The following IL16 variants were observed in gnomAD, a reference collection of about 807,000 sequenced individuals.
The protein encoded by IL16 is pro-interleukin-16.
Under a neutral mutation model 110.1 loss-of-function variants are expected in IL16, and 67 were observed. The observed-to-expected ratio is 0.61, with a 90% CI of 0.50 to 0.75. The LOEUF is 0.75. Ranked by LOEUF, IL16 falls within the 30% of genes least tolerant of loss-of-function variation. The pLI, the probability that IL16 is intolerant of heterozygous loss-of-function variation, is 0.00. For missense variants in IL16, 1,545 were observed against 1,655.0 expected, an observed-to-expected ratio of 0.93 and a Z score of 1.15; for synonymous variants, 689 against 662.9, an observed-to-expected ratio of 1.04 and a Z score of -0.61.
chr15:81,240,039 C>T (rs1461759880), intron 2 of IL16, among the ~76,000 whole-genome samples: 9 of 152,140 alleles, frequency 5.9e-5, no homozygotes, highest in Non-Finnish European at 8.8e-5. Context: ...ACCATCTTGT[C>T]CTGGAATTGG....
In IL16 at chr15:81,292,653, CAT is replaced by C; in HGVS notation, c.1519_1520del (p.Met507AspfsTer6). 6.2e-7 allele frequency: 1 copy of C among 1,614,052 alleles called. No homozygotes were observed. Among genetic ancestry groups the C allele is most frequent in the Non-Finnish European group, 8.5e-7 (1 of 1,179,934 alleles). ...CCCCGCATCGCAGGGCTCAGAAGGT[CAT>C]GATCCGCTCCAGCAGTGACAGCAGC... Reference protein sequence around the residue: ...APPHRRAQKVMIRSSSDSSYM... With the variant: ...APPHRRAQKVXIRSSSDSSYM... On this transcript the variant is annotated frameshift_variant, in exon 12 of 19. Coordinates refer to ENST00000683961, the MANE Select transcript of IL16 (RefSeq NM_172217.5). LOFTEE classifies it high-confidence loss of function.
At chr15:81,276,480 C>A (rs1217725331) in intron 6 of IL16, among the ~76,000 whole-genome samples, 3 of 152,172 alleles carry the variant, frequency 2.0e-5, no homozygotes, top group Non-Finnish European at 4.4e-5. Flanking sequence ...AGCCTTGGGT[C>A]CATGTGAGGC....
At chr15:81,258,730 G>GCGCTCTCTCT (rs1555418991) in intron 2 of IL16, among the ~76,000 whole-genome samples, 1 of 147,732 alleles carries the variant, frequency 6.8e-6, no homozygotes, top group Admixed American at 6.8e-5. Context: ...TCGCGCACGC[G>GCGCTCTCTCT]CTCTCTCTCT....
chr15:81,279,911 G>C, intron 8 of IL16, 137 bp downstream of exon 8: 2 of 705,130 alleles, frequency 2.8e-6, no homozygotes, highest in African/African-American at 1.8e-5. Flanking sequence ...ACTGCTTGGA[G>C]CCAGGTCGAG....
intron 2 of IL16, among the ~76,000 whole-genome samples, chr15:81,231,513 C>T (rs1425277421): frequency 2.0e-5 from 3 of 152,178 alleles, no homozygotes; most frequent in Non-Finnish European, 2.9e-5. Flanking sequence ...GTTGGGACTA[C>T]AGGCACATGC....
At position 81,285,662 on chromosome 15, in the gene IL16, T is replaced by C; in HGVS notation, c.1200-36T>C. ...GTGACTGTTCAAATGTCTCATTGAT[T>C]CACTTACTGATGGCTTCTTATTGAT... On this transcript the variant is annotated intron_variant, in intron 9 of 18. Transcript: ENST00000683961. 6 of 1,611,018 alleles carry C rather than the reference T, an allele frequency of 3.7e-6. No homozygotes were observed. The South Asian group carries it at 6.6e-5, about 18-fold the overall frequency.
intron 2 of IL16, among the ~76,000 whole-genome samples, chr15:81,252,772 A>G (rs1317949315): frequency 6.6e-6 from 1 of 152,202 alleles, no homozygotes; most frequent in Middle Eastern, 3.2e-3. Flanking sequence ...CGTTTCATTT[A>G]ATGTTTTCAA....
intron 2 of IL16, among the ~76,000 whole-genome samples, chr15:81,257,621 C>A (rs1897995338): frequency 6.6e-6 from 1 of 152,146 alleles, no homozygotes; most frequent in East Asian, 1.9e-4. Flanking sequence ...GTGGCAGGGG[C>A]TGGAGCTGAG....
chr15:81,195,085 C>G (rs1895562572), upstream of IL16, among the ~76,000 whole-genome samples: 1 of 152,142 alleles, frequency 6.6e-6, no homozygotes, highest in East Asian at 1.9e-4. Flanking sequence ...GCACAAACCA[C>G]CCCGTATTAG....
chr15:81,305,931 G>A lies in IL16; in HGVS notation c.3444G>A (p.Gly1148=), dbSNP rs551302549. Residue 1148 remains glycine, a synonymous_variant, in exon 17 of 19, where the codon GGG becomes GGA. Coordinates refer to ENST00000683961, the MANE Select transcript of IL16 (RefSeq NM_172217.5). ...AGGTTCACAGAGTGTTTCCAAATGG[G>A]CTGGCCTCCCAGGAAGGGACTATTC... ...VITVHRVFPN[G]LASQEGTIQK... 4.2e-4 allele frequency: 672 copies of A among 1,614,202 alleles called. 17 individuals carry two copies. In the South Asian group the frequency reaches 6.9e-3, roughly 17 times the overall value.
chr15:81,251,212 GC>G (rs1240358544), intron 2 of IL16, among the ~76,000 whole-genome samples: 1 of 152,094 alleles, frequency 6.6e-6, no homozygotes, highest in Non-Finnish European at 1.5e-5. Context: ...TGTTGACTGG[GC>G]TGGGATGCAG....
rs757588858 is a variant in IL16 at position 81,300,011 on chromosome 15, T to G, written c.2685T>G (p.Leu895=). 1 of 1,582,466 alleles carries G rather than the reference T, an allele frequency of 6.3e-7. No homozygotes were observed. Among genetic ancestry groups the G allele is most frequent in the Admixed American group, 1.8e-5 (1 of 56,372 alleles). ...TGGGGCGAGGGGCTGCACCCACTCT[T>G]GTGCCCCAGCAGCCTGAGCAAGTAC... The part of the protein sequence containing the change: ...GLLGRGAAPT[L]VPQQPEQVLS... Residue 895 remains leucine (L), a synonymous_variant, in exon 14 of 19, where the codon CTT becomes CTG. Transcript: ENST00000683961.
At chr15:81,199,028 AAAATATATATAT>A (rs1895708992) in intron 1 of IL16, among the ~76,000 whole-genome samples, 1 of 93,710 alleles carries the variant, frequency 1.1e-5, no homozygotes, top group African/African-American at 6.0e-5. Flanking sequence ...TCAAAAAAAA[AAAATATATATAT>A]ATATATATAT....
At position 81,259,871 on chromosome 15, in the gene IL16, A is replaced by G. The variant is rs758641003; in HGVS notation, c.412A>G (p.Asn138Asp). ...AGCCTGCCACCAAAGGGCACGCAGC[A>G]ACTCAACCAGTAAGTGTCTTCCCAA... The part of the protein sequence containing the change: ...PKACHQRARS[N>D]STSVNPYCTR... The change falls in exon 3 of 19, where the codon AAC (asparagine) becomes GAC (aspartate). Residue 138 changes from asparagine to aspartate, a missense_variant. Transcript: ENST00000683961. The G allele has an allele frequency of 1.9e-6, 3 of 1,602,164 alleles. No individual in the cohort carries two copies. The South Asian group carries it at 3.3e-5, about 18-fold the overall frequency.
In IL16 at chr15:81,267,782, C is replaced by T. The variant is rs540929804; in HGVS notation, c.565-1756C>T. 6.8e-4 allele frequency among the ~76,000 whole-genome samples: 103 copies of T among 152,304 alleles called. No individual in the cohort carries two copies. The Middle Eastern group carries it at 0.01, about 15-fold the overall frequency. The stretch of plus-strand genomic sequence containing the variant: ...GTCCTAGTTCAAAGGCAGTCACGCA[C>T]GAAGGATGCTTTCTAACTCAGGGGA... On this transcript the variant is annotated intron_variant, in intron 4 of 18. Transcript: ENST00000683961.
At chr15:81,196,191 A>G (rs990645813), upstream of IL16, among the ~76,000 whole-genome samples, 77 of 152,364 alleles carry the variant, frequency 5.1e-4, no homozygotes, top group African/African-American at 1.9e-3. Context: ...AGGGTGGCAC[A>G]GACAAGAAAT....
intron 1 of IL16, among the ~76,000 whole-genome samples, chr15:81,223,064 A>G (rs975215693): frequency 6.6e-6 from 1 of 152,198 alleles, no homozygotes; most frequent in Non-Finnish European, 1.5e-5. Context: ...TCTTCTGCCA[A>G]TGGATCTGAG....
In IL16 at chr15:81,301,364, A is replaced by G; in HGVS notation, c.3170A>G (p.Tyr1057Cys). 1 of 1,611,718 alleles carries G rather than the reference A, an allele frequency of 6.2e-7. No individual in the cohort carries two copies. Among genetic ancestry groups the G allele is most frequent in the Non-Finnish European group, 8.5e-7 (1 of 1,179,378 alleles). Residue 1057 changes from tyrosine (Y) to cysteine (C), a missense_variant, in exon 15 of 19, where the codon TAT becomes TGT. Physicochemically the swap from Tyr to Cys is radical, Grantham distance 194 (BLOSUM62 -2). This residue lies in a region of IL16 where 356 missense variants were observed against 399.3 expected (regional missense o/e 0.89). Transcript: ENST00000683961. ...FSLNLSELRE[Y>C]TEGLTEAKED... ...GAAAGCCTTTCAGAGCTGAGAGAAT[A>G]TACAGAGGGTCTCACGGAAGCCAAG...
intron 13 of IL16, 39 bp downstream of exon 13, chr15:81,297,117 T>C (rs1900026115): frequency 6.3e-7 from 1 of 1,587,666 alleles, no homozygotes; most frequent in African/African-American, 1.4e-5. Flanking sequence ...GAAGGGTCTT[T>C]TGAAAAAAGG....
Sources: gnomAD v4.1 joint callset for allele counts (sites outside exome capture counted in the v4.1 genomes callset) on GRCh38, gnomAD v4.1.1 for gene constraint, gnomAD v4.1.1 regional missense constraint, MANE v1.5 for transcripts, NCBI Gene and HGNC (gene_info 2026-07-23, HGNC 2026-07-21) for gene names.